The following SMTNL1 variants were observed in gnomAD, a reference collection of about 807,000 sequenced individuals.
The protein encoded by SMTNL1 is smoothelin-like protein 1.
A neutral mutation model predicts 46.6 loss-of-function variants in SMTNL1; 41 were observed. The ratio of observed to expected loss-of-function variants is 0.88; its 90% CI spans 0.69 to 1.14. The LOEUF (loss-of-function observed/expected upper bound fraction) is 1.14, where lower values mean the gene tolerates loss of function less well. Among genes scored for constraint, SMTNL1 ranks in the 50% most tolerant of loss-of-function variants. The pLI, the probability that SMTNL1 is intolerant of heterozygous loss-of-function variation, is 0.00. For missense variants in SMTNL1, 591 were observed against 626.1 expected, an observed-to-expected ratio of 0.94 and a Z score of 0.60; for synonymous variants, 234 against 234.2, an observed-to-expected ratio of 1.00 and a Z score of 0.01.
chr11:57,543,126 CCTA>C lies in SMTNL1; in HGVS notation c.485_487del (p.Pro162_Lys163delinsGln). Reference sequence around the variant, plus strand: ...TGCCAATGACAGAGACAAGCCTGAACCTAAGGCAACAGTTGAGGAGGAGGACGC... The same window carrying C: ...TGCCAATGACAGAGACAAGCCTGAACAGGCAACAGTTGAGGAGGAGGACGC... On this transcript the variant is annotated inframe_deletion, in exon 2 of 8. Transcript: ENST00000527972. 6.2e-7 allele frequency: 1 copy of C among 1,613,034 alleles called. No homozygotes were observed. The highest frequency in any genetic ancestry group is 8.5e-7 in the Non-Finnish European group (1 of 1,179,470).
intron 2 of SMTNL1, 23 bp from the exon 3 acceptor site, chr11:57,543,601 C>T (rs1350535857): frequency 6.2e-7 from 1 of 1,602,640 alleles, no homozygotes; most frequent in Admixed American, 1.7e-5. Context: ...ACCATGAGCT[C>T]ACGCAGATCA....
chr11:57,538,935 G>C (rs916674148), intron 1 of SMTNL1, among the ~76,000 whole-genome samples: 3 of 152,164 alleles, frequency 2.0e-5, no homozygotes, highest in African/African-American at 4.8e-5. Context: ...TTTGTGACAA[G>C]CCTGGAGGGT....
intron 1 of SMTNL1, chr11:57,541,514 G>A (rs188018082): frequency 6.4e-5 from 88 of 1,366,620 alleles, no homozygotes; most frequent in South Asian, 1.5e-4. Flanking sequence ...CCATGCTCCC[G>A]GGGGCAGTTG....
At chr11:57,545,827 T>C (rs1590803726) in intron 4 of SMTNL1, 54 bp from the exon 5 acceptor site, 1 of 1,502,248 alleles carries the variant, frequency 6.7e-7, no homozygotes, top group Non-Finnish European at 9.1e-7. Context: ...CCTCCCTGTG[T>C]CCTGCAGTGC....
intron 7 of SMTNL1, among the ~76,000 whole-genome samples, chr11:57,549,100 A>G (rs2135268445): frequency 6.7e-6 from 1 of 148,694 alleles, no homozygotes; most frequent in East Asian, 2.0e-4. Context: ...ATCTCAGCTC[A>G]CTGCAACCTC....
At chr11:57,542,535 C>A in intron 1 of SMTNL1, 106 bp from the exon 2 acceptor site, 1 of 1,350,372 alleles carries the variant, frequency 7.4e-7, no homozygotes, top group African/African-American at 1.5e-5. Context: ...GGAGCCAAGA[C>A]TGAACCACGG....
rs201548392 is a variant in SMTNL1 at position 57,543,355 on chromosome 11, C to A, written c.713C>A (p.Ala238Glu). Residue 238 changes from alanine (A) to glutamate (E), a missense_variant, in exon 2 of 8, where the codon GCG (alanine) becomes GAG (glutamate). Transcript: ENST00000527972. ...GAGGAGGCTGATGCAAAAGAGGAGG[C>A]GGAGGATGCAGAGGAGGCAGTGAGT... ...AKEEADAKEE[A>E]EDAEEAEPGS... is the part of the protein sequence containing the mutation. 2 of 1,613,614 alleles carry A rather than the reference C, an allele frequency of 1.2e-6. No homozygotes were observed. The highest frequency in any genetic ancestry group is 1.7e-5 in the Admixed American group (1 of 59,978).
chr11:57,543,152 C>T lies in SMTNL1; in HGVS notation c.510C>T (p.Asp170=), dbSNP rs765946110. 1.9e-5 allele frequency: 30 copies of T among 1,613,274 alleles called. No individual in the cohort carries two copies. Among genetic ancestry groups the T allele is most frequent in the Middle Eastern group, 1.6e-4 (1 of 6,084 alleles). The change falls in exon 2 of 8, where the codon GAC becomes GAT. Residue 170 remains aspartate, a synonymous_variant. Transcript: ENST00000527972. ...CTAAGGCAACAGTTGAGGAGGAGGA[C>T]GCCAAGACAGCCTCTCAGGAGGAGA... ...PEPKATVEEE[D]AKTASQEETG... is the part of the protein sequence containing the mutation.
Position 57,537,968 on chromosome 11 carries a change from G to A in SMTNL1, c.-3+326G>A, listed in dbSNP as rs73478629. ...CTGTCCAGCCCACAGGCTACCTGTG[G>A]CCCAGGATGGCTTTGAATGTAGCCC... is the stretch of plus-strand genomic sequence containing the variant. On this transcript the variant is annotated intron_variant, in intron 1 of 7. Transcript: ENST00000527972. 5.3e-5 allele frequency among the ~76,000 whole-genome samples: 8 copies of A among 152,220 alleles called. No homozygotes were observed. The South Asian group carries it at 1.0e-3, about 20-fold the overall frequency.
chr11:57,543,170 G>A lies in SMTNL1; in HGVS notation c.528G>A (p.Gln176=). Reference sequence around the variant, plus strand: ...AGGAGGACGCCAAGACAGCCTCTCAGGAGGAGACAGGCCAGAGGAAAGAGT... The same window carrying A: ...AGGAGGACGCCAAGACAGCCTCTCAAGAGGAGACAGGCCAGAGGAAAGAGT... The part of the protein sequence containing the change: ...VEEEDAKTAS[Q]EETGQRKECS... The change falls in exon 2 of 8, where the codon CAG becomes CAA. Residue 176 remains glutamine (Q), a synonymous_variant. Transcript: ENST00000527972. 6.2e-7 allele frequency: 1 copy of A among 1,613,758 alleles called. No homozygotes were observed. Among genetic ancestry groups the A allele is most frequent in the Non-Finnish European group, 8.5e-7 (1 of 1,179,778 alleles).
chr11:57,543,426 A>G, intron 2 of SMTNL1, 52 bp downstream of exon 2: 1 of 1,579,926 alleles, frequency 6.3e-7, no homozygotes, highest in South Asian at 1.2e-5. Flanking sequence ...CTGCTTCTGG[A>G]AGCAAGCCCC....
chr11:57,546,283 C>A lies in SMTNL1; in HGVS notation c.1124C>A (p.Ala375Glu). The A allele has an allele frequency of 6.2e-7, 1 of 1,611,240 alleles. No individual in the cohort carries two copies. Among genetic ancestry groups the A allele is most frequent in the Non-Finnish European group, 8.5e-7 (1 of 1,178,842 alleles). ...ALFRNTKAAG[A>E]AIGGVKNMLL... ...TTCCGCAACACTAAGGCAGCCGGGGCAGCCATTGGTGGTGTCAAGAACATG... is the reference window on the plus strand; with the variant it reads ...TTCCGCAACACTAAGGCAGCCGGGGAAGCCATTGGTGGTGTCAAGAACATG... The change falls in exon 6 of 8, where the codon GCA (alanine) becomes GAA (glutamate). Residue 375 changes from alanine to glutamate, a missense_variant. Coordinates refer to ENST00000527972, the MANE Select transcript of SMTNL1 (RefSeq NM_001105565.3).
chr11:57,541,703 T>G, intron 1 of SMTNL1: 1 of 648,570 alleles, frequency 1.5e-6, no homozygotes, highest in Non-Finnish European at 2.3e-6. Flanking sequence ...ACACCACCTC[T>G]ATAATTTTGC....
At chr11:57,541,158 C>A (rs1944873756) in intron 1 of SMTNL1, among the ~76,000 whole-genome samples, 1 of 152,220 alleles carries the variant, frequency 6.6e-6, no homozygotes, top group South Asian at 2.1e-4. Flanking sequence ...CCCCAGGACT[C>A]TGGGTAAGAC....
At chr11:57,538,992 G>A (rs1028740957) in intron 1 of SMTNL1, among the ~76,000 whole-genome samples, 7 of 152,076 alleles carry the variant, frequency 4.6e-5, no homozygotes, top group South Asian at 2.1e-4. Flanking sequence ...GTGTGTGTCC[G>A]TGTGCGTGCA....
At position 57,543,056 on chromosome 11, in the gene SMTNL1, G is replaced by A; in HGVS notation, c.414G>A (p.Lys138=). 5 of 1,607,980 alleles carry A rather than the reference G, an allele frequency of 3.1e-6. No individual in the cohort carries two copies. The South Asian group carries it at 3.3e-5, about 11-fold the overall frequency. The stretch of plus-strand genomic sequence containing the variant: ...GCACGCTGGCCTCTGAGAAGCAGAA[G>A]GCTGAGGAGAAAGAGGCCAAACCTG... ...KESTLASEKQ[K]AEEKEAKPES... Residue 138 remains lysine, a synonymous_variant, in exon 2 of 8, where the codon AAG becomes AAA. Transcript: ENST00000527972.
chr11:57,543,017 T>A lies in SMTNL1; in HGVS notation c.375T>A (p.Ala125=), dbSNP rs768649651. 5 of 1,602,860 alleles carry A rather than the reference T, an allele frequency of 3.1e-6. No homozygotes were observed. In the African/African-American group the frequency reaches 4.0e-5, roughly 13 times the overall value. The change falls in exon 2 of 8, where the codon GCT becomes GCA. Residue 125 remains alanine, a synonymous_variant. Coordinates refer to ENST00000527972, the MANE Select transcript of SMTNL1 (RefSeq NM_001105565.3). ...AGACCAAATCTGAACCCAAAGAGGC[T>A]GAGGAAAAGGAGAGCACGCTGGCCT... ...KEETKSEPKE[A]EEKESTLASE...
At chr11:57,544,776 G>C (rs567242962) in intron 4 of SMTNL1, among the ~76,000 whole-genome samples, 3 of 151,922 alleles carry the variant, frequency 2.0e-5, no homozygotes, top group Non-Finnish European at 4.4e-5. Flanking sequence ...GCTTGCCATT[G>C]CACAACTTCA....
rs1944947322 is a variant in SMTNL1 at position 57,550,141 on chromosome 11, G to A, written c.*29G>A. ...GGTGACTGGCTCTGTGGGCAGAGAT[G>A]GGCAGGGTGCCCAGCTCAGCAGCCA... On this transcript the variant is annotated 3_prime_UTR_variant, in exon 8 of 8. Transcript: ENST00000527972. 1 of 1,596,306 alleles carries A rather than the reference G, an allele frequency of 6.3e-7. No homozygotes were observed. Among genetic ancestry groups the A allele is most frequent in the Non-Finnish European group, 8.5e-7 (1 of 1,170,610 alleles).
Sources: gnomAD v4.1 joint callset for allele counts (sites outside exome capture counted in the v4.1 genomes callset) on GRCh38, gnomAD v4.1.1 for gene constraint, MANE v1.5 for transcripts, NCBI Gene and HGNC (gene_info 2026-07-23, HGNC 2026-07-21) for gene names.